The following SLC5A4 variants were observed in gnomAD, a reference collection of about 807,000 sequenced individuals.
SLC5A4 encodes the protein probable glucose sensor protein SLC5A4.
Under a neutral mutation model 70.3 loss-of-function variants are expected in SLC5A4, and 55 were observed. The observed-to-expected ratio is 0.78, with a 90% CI of 0.63 to 0.98. The LOEUF (loss-of-function observed/expected upper bound fraction) is 0.98. SLC5A4 is among the 50% of genes least tolerant of loss of function. The pLI, the probability that SLC5A4 is intolerant of heterozygous loss-of-function variation, is 0.00. For synonymous variants in SLC5A4, 268 were observed against 305.7 expected, an observed-to-expected ratio of 0.88 and a Z score of 1.29; for missense variants, 735 against 839.2, an observed-to-expected ratio of 0.88 and a Z score of 1.53.
the SLC5A4 span, among the ~76,000 whole-genome samples, chr22:32,281,957 C>T: frequency 6.6e-6 from 1 of 152,186 alleles, no homozygotes; most frequent in Non-Finnish European, 1.5e-5. Flanking sequence ...GATTCTCCTG[C>T]CTCAGCCTCC....
chr22:32,278,606 A>C, the SLC5A4 span, among the ~76,000 whole-genome samples: 2 of 152,230 alleles, frequency 1.3e-5, no homozygotes, highest in Non-Finnish European at 2.9e-5. Flanking sequence ...TCTAAATCAA[A>C]CAAATATTTG....
intron 5 of SLC5A4, among the ~76,000 whole-genome samples, chr22:32,239,550 AT>A (rs1454231554): frequency 1.3e-4 from 2 of 15,338 alleles, no homozygotes; most frequent in African/African-American, 7.9e-4. Flanking sequence ...ATATATATAT[AT>A]ATATATATAT....
the SLC5A4 span, among the ~76,000 whole-genome samples, chr22:32,288,997 T>C: frequency 6.6e-6 from 1 of 152,314 alleles, no homozygotes; most frequent in East Asian, 1.9e-4. Flanking sequence ...TCATAGTCAA[T>C]GCTGGGTAGC....
At chr22:32,323,836 C>T in the SLC5A4 span, among the ~76,000 whole-genome samples, 1 of 152,216 alleles carries the variant, frequency 6.6e-6, no homozygotes, top group African/African-American at 2.4e-5. Context: ...CCCATGGTGG[C>T]CCTTCTGGGA....
At chr22:32,336,997 G>A in the SLC5A4 span, among the ~76,000 whole-genome samples, 1 of 152,244 alleles carries the variant, frequency 6.6e-6, no homozygotes, top group East Asian at 1.9e-4. Flanking sequence ...AAGAAAAGCA[G>A]GACAGGGCTG....
At chr22:32,249,812 T>A (rs1927037488) in intron 3 of SLC5A4, among the ~76,000 whole-genome samples, 1 of 152,252 alleles carries the variant, frequency 6.6e-6, no homozygotes, top group Admixed American at 6.5e-5. Flanking sequence ...AGCCTTGTGC[T>A]AGAGCAAACT....
chr22:32,232,915 G>T lies in SLC5A4; in HGVS notation c.1005C>A (p.Ser335Arg). 6.2e-7 allele frequency: 1 copy of T among 1,614,014 alleles called. No individual in the cohort carries two copies. Among genetic ancestry groups the T allele is most frequent in the Non-Finnish European group, 8.5e-7 (1 of 1,179,956 alleles). The change falls in exon 9 of 15, where the codon AGC becomes AGA. Residue 335 changes from serine to arginine, a missense_variant. By Grantham distance (110) the Ser-to-Arg change is moderately radical. Coordinates refer to ENST00000266086, the MANE Select transcript of SLC5A4 (RefSeq NM_014227.3). ...MFLMVMPGMI[S>R]RILYTDMVAC... is the part of the protein sequence containing the mutation. ...AGGGCTTACCTGTGTACAGGATGCG[G>T]CTGATCATCCCCGGCATCACCATGA...
At chr22:32,259,276 A>G (rs1398747916), upstream of SLC5A4, among the ~76,000 whole-genome samples, 1 of 152,260 alleles carries the variant, frequency 6.6e-6, no homozygotes, top group East Asian at 1.9e-4. Context: ...CACATGGTCT[A>G]GATCATAATC....
the SLC5A4 span, among the ~76,000 whole-genome samples, chr22:32,315,274 T>C: frequency 0.47 from 71,152 of 150,778 alleles, 17,214 homozygotes; most frequent in East Asian, 0.71. Context: ...CAGAGAAGAA[T>C]GAAACAAAAC....
At chr22:32,269,255 A>G in the SLC5A4 span, 1 of 179,782 alleles carries the variant, frequency 5.6e-6, no homozygotes, top group Non-Finnish European at 1.2e-5. This position sits in a 1 kb window ranked among gnomAD's most constrained non-coding sequence, Gnocchi z 4.1. Context: ...TGTGGCTGTC[A>G]TATTTCTTTG....
the SLC5A4 span, chr22:32,270,750 C>T: frequency 4.8e-6 from 3 of 628,756 alleles, no homozygotes; most frequent in Non-Finnish European, 8.8e-6. Flanking sequence ...ACATGCAGTG[C>T]ACTGTAGGCA....
At chr22:32,308,763 CATGTAT>C in the SLC5A4 span, among the ~76,000 whole-genome samples, 6 of 151,822 alleles carry the variant, frequency 4.0e-5, no homozygotes, top group South Asian at 2.1e-4. Context: ...TATGAAATCA[CATGTAT>C]GTGTGTGAGG....
At chr22:32,244,351 C>T (rs1474441805) in intron 5 of SLC5A4, among the ~76,000 whole-genome samples, 1 of 152,184 alleles carries the variant, frequency 6.6e-6, no homozygotes, top group Non-Finnish European at 1.5e-5. Flanking sequence ...TATCCTCATC[C>T]ACAGAGGGGC....
In SLC5A4 at chr22:32,225,633, T is replaced by A. The variant is rs1925348896; in HGVS notation, c.1449+22A>T. 3.2e-6 allele frequency: 5 copies of A among 1,539,668 alleles called. No homozygotes were observed. The African/African-American group carries it at 5.6e-5, about 17-fold the overall frequency. Reference sequence around the variant, plus strand: ...TTTTTTCTCACTCCAGCAGGGAAACTTTTTTTCCAGTTTTCACTCACCTGT... The same window carrying A: ...TTTTTTCTCACTCCAGCAGGGAAACATTTTTTCCAGTTTTCACTCACCTGT... On this transcript the variant is annotated intron_variant, in intron 12 of 14. Transcript: ENST00000266086.
upstream of SLC5A4, among the ~76,000 whole-genome samples, chr22:32,259,197 T>A (rs767119254): frequency 4.6e-5 from 7 of 152,224 alleles, no homozygotes; most frequent in Non-Finnish European, 1.0e-4. Flanking sequence ...CTGAAAAATT[T>A]GTTAAGGGGT....
the SLC5A4 span, chr22:32,272,762 G>T: frequency 2.0e-6 from 1 of 509,814 alleles, no homozygotes; most frequent in Non-Finnish European, 3.8e-6. Context: ...CCACTGAGGG[G>T]CTCAGCAAAA....
intron 5 of SLC5A4, among the ~76,000 whole-genome samples, chr22:32,241,713 A>G (rs1926520247): frequency 6.6e-6 from 1 of 151,940 alleles, no homozygotes; most frequent in African/African-American, 2.4e-5. Context: ...AATGTCCTGA[A>G]GCATTTCTGA....
chr22:32,335,303 G>A, the SLC5A4 span, among the ~76,000 whole-genome samples: 25 of 152,162 alleles, frequency 1.6e-4, no homozygotes, highest in Non-Finnish European at 4.4e-5. Flanking sequence ...CGAGCCCAGA[G>A]CAACCAGGCT....
chr22:32,301,014 G>A, the SLC5A4 span, among the ~76,000 whole-genome samples: 27 of 152,268 alleles, frequency 1.8e-4, no homozygotes, highest in Middle Eastern at 3.4e-3. Context: ...CCAGGCTGGA[G>A]TGCAGTGGCA....
Sources: allele counts gnomAD v4.1 joint callset (sites outside exome capture counted in the v4.1 genomes callset), GRCh38; gene constraint gnomAD v4.1.1; non-coding constraint Gnocchi (gnomAD v3.1); transcripts MANE v1.5; gene names NCBI Gene and HGNC (gene_info 2026-07-23, HGNC 2026-07-21).